The following USP49 variants were observed in gnomAD, a reference collection of about 807,000 sequenced individuals.
USP49 encodes ubiquitin carboxyl-terminal hydrolase 49.
In USP49, 24 loss-of-function variants were observed where a neutral mutation model predicts 58.6. That is an observed-to-expected ratio of 0.41 (90% confidence interval 0.30 to 0.58). The LOEUF is 0.58. Among genes scored for constraint, USP49 ranks in the 20% least tolerant of loss-of-function variants. The probability of loss-of-function intolerance (pLI) is 0.30; values close to 1 mark genes in which losing one functional copy is unlikely to be tolerated. For synonymous variants in USP49, 408 were observed against 365.1 expected (o/e 1.12, Z -1.34); for missense variants, 703 against 866.1 (o/e 0.81, Z 2.36).
intron 3 of USP49, among the ~76,000 whole-genome samples, chr6:41,810,387 A>G (rs9688578): frequency 0.99 from 148,579 of 149,726 alleles, 73,735 homozygotes; most frequent in East Asian, 1. Context: ...CTATTCGGGA[A>G]GCTGAGGCAG....
At chr6:41,864,127 A>G (rs1326639160) in intron 3 of USP49, among the ~76,000 whole-genome samples, 1 of 152,152 alleles carries the variant, frequency 6.6e-6, no homozygotes, top group Non-Finnish European at 1.5e-5. Context: ...GTCTAACACA[A>G]TTCTTAGTAT....
chr6:41,802,598 ATTT>A (rs34722469), intron 5 of USP49, among the ~76,000 whole-genome samples: 28,183 of 147,742 alleles, frequency 0.19, 3,267 homozygotes, highest in East Asian at 0.29. Flanking sequence ...CTGGCCTAAG[ATTT>A]TTTTTTTCTT....
intron 4 of USP49, 150 bp from the exon 5 acceptor site, chr6:41,804,160 G>T (rs1773068536): frequency 1.5e-6 from 1 of 685,936 alleles, no homozygotes; most frequent in Admixed American, 3.0e-5. Context: ...AACTTTAAAA[G>T]AATTAGAGTA....
chr6:41,888,578 C>T (rs541049672), intron 2 of USP49, among the ~76,000 whole-genome samples: 4 of 152,002 alleles, frequency 2.6e-5, no homozygotes, highest in African/African-American at 9.7e-5. Flanking sequence ...TTCAGCCTCC[C>T]GAGTAGCTGG....
chr6:41,882,571 G>A (rs1774628745), intron 2 of USP49, among the ~76,000 whole-genome samples: 1 of 152,106 alleles, frequency 6.6e-6, no homozygotes, highest in South Asian at 2.1e-4. Context: ...AAATACAGTA[G>A]GCTAAAAAAT....
intron 3 of USP49, among the ~76,000 whole-genome samples, chr6:41,852,987 C>T (rs371803523): frequency 6.6e-5 from 10 of 152,112 alleles, no homozygotes; most frequent in African/African-American, 2.2e-4. Context: ...GTCAGGAGTT[C>T]GAAACCAGCC....
intron 3 of USP49, among the ~76,000 whole-genome samples, chr6:41,856,307 G>A (rs1312568666): frequency 1.3e-4 from 19 of 150,476 alleles, no homozygotes; most frequent in Non-Finnish European, 2.8e-4. Context: ...CTCGGGAGGC[G>A]GAGCTTGCAG....
In USP49 at chr6:41,806,895, G is replaced by GC; in HGVS notation, c.88dup (p.Ala30GlyfsTer22). The GC allele has an allele frequency of 6.2e-7, 1 of 1,614,020 alleles. No individual in the cohort carries two copies. ...GCAGGCCCACACGGACTCGGTGGTGGCACACTCTAAGCAGCACCACTTCTG... is the reference window on the plus strand; with the variant it reads ...GCAGGCCCACACGGACTCGGTGGTGGCCACACTCTAAGCAGCACCACTTCTG... On this transcript the variant is annotated frameshift_variant, in exon 4 of 8. Coordinates refer to ENST00000682992, the MANE Select transcript of USP49 (RefSeq NM_001286554.2). LOFTEE classifies it high-confidence loss of function. The surrounding 1 kb of genome is among the most constrained non-coding windows in gnomAD (Gnocchi z 5.9).
At chr6:41,846,298 CAG>C (rs1280000764) in intron 3 of USP49, among the ~76,000 whole-genome samples, 1 of 152,060 alleles carries the variant, frequency 6.6e-6, no homozygotes, top group Admixed American at 6.6e-5. Flanking sequence ...GCCTGGGTGA[CAG>C]AGTGAGACTC....
intron 3 of USP49, among the ~76,000 whole-genome samples, chr6:41,861,762 G>T (rs1774227558): frequency 6.7e-6 from 1 of 150,146 alleles, no homozygotes; most frequent in African/African-American, 2.5e-5. Flanking sequence ...GGAGTGCAGT[G>T]ATCTCGGCTC....
intron 3 of USP49, among the ~76,000 whole-genome samples, chr6:41,833,634 C>T (rs896169998): frequency 2.0e-5 from 3 of 152,130 alleles, no homozygotes; most frequent in African/African-American, 7.2e-5. Context: ...AATAACTATA[C>T]CAAACCTTCT....
chr6:41,864,902 T>C (rs1774283472), intron 3 of USP49, among the ~76,000 whole-genome samples: 1 of 152,148 alleles, frequency 6.6e-6, no homozygotes, highest in African/African-American at 2.4e-5. Flanking sequence ...TATAAAACTC[T>C]ATTAAATAAA....
At chr6:41,801,362 A>G (rs1372889917) in intron 5 of USP49, among the ~76,000 whole-genome samples, 2 of 152,206 alleles carry the variant, frequency 1.3e-5, no homozygotes, top group African/African-American at 4.8e-5. Flanking sequence ...GTAGCAAATC[A>G]CAGCCAGATG....
intron 3 of USP49, among the ~76,000 whole-genome samples, chr6:41,858,980 C>G (rs1774175530): frequency 1.3e-5 from 2 of 152,190 alleles, no homozygotes; most frequent in Admixed American, 1.3e-4. Context: ...AAAAAAGATA[C>G]TAAGTACTTA....
intron 3 of USP49, among the ~76,000 whole-genome samples, chr6:41,815,507 T>TCA (rs1233991218): frequency 1.3e-5 from 2 of 151,208 alleles, no homozygotes; most frequent in Non-Finnish European, 2.9e-5. Context: ...GGACAGTGGG[T>TCA]GGGAGAAGAG....
Position 41,790,864 on chromosome 6 carries a change from G to A in USP49, c.*5669C>T, listed in dbSNP as rs1453923781. On this transcript the variant is annotated 3_prime_UTR_variant, in exon 8 of 8. Transcript: ENST00000682992. ...CTCTGAGAGGTTTATATCTTATTGG[G>A]TATTAAGATAAAGAAGGGTCACATG... 1.3e-5 allele frequency: 2 copies of A among 152,094 alleles called. No individual in the cohort carries two copies. The highest frequency in any genetic ancestry group is 2.1e-4 in the South Asian group (1 of 4,826). The allele number at this position is 152,094 out of a possible 1,614,324, so 9.4% of individuals were successfully genotyped here.
intron 3 of USP49, among the ~76,000 whole-genome samples, chr6:41,817,150 C>CTTTTTTTTTTTTTTTTTTTTTT (rs34281670): frequency 1.7e-4 from 18 of 104,336 alleles, no homozygotes; most frequent in Middle Eastern, 5.2e-3. Flanking sequence ...CCCACGCATG[C>CTTTTTTTTTTTTTTTTTTTTTT]TTTTTTTTTT....
chr6:41,817,176 G>GTTTTTTTTTT (rs1773369211), intron 3 of USP49, among the ~76,000 whole-genome samples: 2 of 83,584 alleles, frequency 2.4e-5, no homozygotes, highest in African/African-American at 1.4e-4. Context: ...TTGAGACAGA[G>GTTTTTTTTTT]TCTTGCTCTG....
At chr6:41,886,357 A>C (rs922360394) in intron 2 of USP49, 3 of 152,218 alleles carry the variant, frequency 2.0e-5, no homozygotes, top group Admixed American at 6.5e-5. Context: ...TCTGTTCATA[A>C]ATGCTGATTC....
Sources: gnomAD v4.1 joint callset for allele counts (sites outside exome capture counted in the v4.1 genomes callset) on GRCh38, gnomAD v4.1.1 for gene constraint, Gnocchi (gnomAD v3.1) non-coding constraint, MANE v1.5 for transcripts, NCBI Gene and HGNC (gene_info 2026-07-23, HGNC 2026-07-21) for gene names.